The following ARSB variants were observed in gnomAD, a reference collection of about 807,000 sequenced individuals.
The protein encoded by ARSB is arylsulfatase B.
A neutral mutation model predicts 50.9 loss-of-function variants in ARSB; 41 were observed. The observed-to-expected ratio is 0.81, with a 90% CI of 0.63 to 1.04. The LOEUF (loss-of-function observed/expected upper bound fraction) is 1.04. ARSB is among the 50% of genes least tolerant of loss of function. The pLI is 0.00. For missense variants in ARSB, 672 were observed against 693.3 expected, an observed-to-expected ratio of 0.97 and a Z score of 0.35; for synonymous variants, 269 against 284.8, an observed-to-expected ratio of 0.94 and a Z score of 0.56.
chr5:78,849,022 T>A (rs1267686094), intron 5 of ARSB, among the ~76,000 whole-genome samples: 5 of 152,250 alleles, frequency 3.3e-5, no homozygotes, highest in Non-Finnish European at 7.3e-5. Flanking sequence ...GGTTGCCTGT[T>A]CACTTTGATG....
At chr5:78,830,669 T>G (rs1370662224) in intron 6 of ARSB, among the ~76,000 whole-genome samples, 2 of 152,164 alleles carry the variant, frequency 1.3e-5, no homozygotes, top group Non-Finnish European at 2.9e-5. Context: ...GGACTGCCTT[T>G]GGCATCAAAA....
chr5:78,834,743 A>G (rs1744870817), intron 6 of ARSB, among the ~76,000 whole-genome samples: 1 of 150,348 alleles, frequency 6.7e-6, no homozygotes, highest in Non-Finnish European at 1.5e-5. Flanking sequence ...TGCTACAAAC[A>G]TGAGTGTACA....
chr5:78,954,604 A>C (rs1751633939), intron 4 of ARSB, among the ~76,000 whole-genome samples: 1 of 152,126 alleles, frequency 6.6e-6, no homozygotes, highest in Non-Finnish European at 1.5e-5. Flanking sequence ...TCCTGGATTC[A>C]AGCAGTTCTC....
chr5:78,938,669 T>C (rs868252778), intron 4 of ARSB, among the ~76,000 whole-genome samples: 4 of 152,240 alleles, frequency 2.6e-5, no homozygotes, highest in Admixed American at 6.5e-5. Flanking sequence ...ATTTAAAACC[T>C]TGAATGAGCT....
intron 4 of ARSB, among the ~76,000 whole-genome samples, chr5:78,890,284 T>G (rs557574103): frequency 2.1e-5 from 3 of 140,444 alleles, no homozygotes; most frequent in African/African-American, 8.1e-5. Context: ...AAAGTCTCAC[T>G]CCTCCAACCA....
intron 6 of ARSB, among the ~76,000 whole-genome samples, chr5:78,806,376 G>A (rs1377455700): frequency 1.3e-5 from 2 of 152,220 alleles, no homozygotes; most frequent in Non-Finnish European, 2.9e-5. Context: ...TACCATCAGA[G>A]AAATAATAAT....
chr5:78,873,730 T>C (rs554695945), intron 5 of ARSB, among the ~76,000 whole-genome samples: 44 of 151,710 alleles, frequency 2.9e-4, no homozygotes, highest in Admixed American at 7.2e-4. Flanking sequence ...CTCCTGACCT[T>C]GTGATCCGCC....
intron 4 of ARSB, among the ~76,000 whole-genome samples, chr5:78,941,181 G>T (rs1430762392): frequency 1.8e-4 from 27 of 151,288 alleles, no homozygotes; most frequent in African/African-American, 5.6e-4. Context: ...AAGGAGATTT[G>T]GGGCTGAGAC....
At chr5:78,870,288 G>A (rs1410487744) in intron 5 of ARSB, among the ~76,000 whole-genome samples, 1 of 91,480 alleles carries the variant, frequency 1.1e-5, no homozygotes, top group Non-Finnish European at 2.3e-5. Context: ...AATAGAAAAA[G>A]AGAGAATCCT....
intron 5 of ARSB, among the ~76,000 whole-genome samples, chr5:78,873,652 C>A (rs1027978023): frequency 6.6e-6 from 1 of 150,426 alleles, no homozygotes; most frequent in Non-Finnish European, 1.5e-5. Flanking sequence ...CCCGCCACTA[C>A]GCCCGGCTAA....
intron 4 of ARSB, among the ~76,000 whole-genome samples, chr5:78,936,530 T>TC (rs1750610259): frequency 6.6e-6 from 1 of 151,424 alleles, no homozygotes. Flanking sequence ...ATACAAAATG[T>TC]CAAGTTGCCC....
chr5:78,932,097 C>T (rs1258863483), intron 4 of ARSB, among the ~76,000 whole-genome samples: 1 of 152,178 alleles, frequency 6.6e-6, no homozygotes, highest in Non-Finnish European at 1.5e-5. Context: ...CTGATTTTCA[C>T]CCAATTCCAA....
chr5:78,794,412 T>C (rs1743102984), intron 6 of ARSB, among the ~76,000 whole-genome samples: 1 of 152,118 alleles, frequency 6.6e-6, no homozygotes, highest in Admixed American at 6.5e-5. Flanking sequence ...TTGAGGCCAG[T>C]GAACTAACAC....
chr5:78,885,200 A>G, intron 5 of ARSB: 1 of 279,374 alleles, frequency 3.6e-6, no homozygotes, highest in East Asian at 6.3e-5. Context: ...ACATATCCCT[A>G]GTTCCTATTC....
intron 4 of ARSB, among the ~76,000 whole-genome samples, chr5:78,919,139 G>A (rs541374768): frequency 6.6e-6 from 1 of 152,284 alleles, no homozygotes; most frequent in South Asian, 2.1e-4. Flanking sequence ...ATATTCCCTC[G>A]TGGGCTCACC....
intron 5 of ARSB, among the ~76,000 whole-genome samples, chr5:78,863,817 G>T (rs1162474541): frequency 6.6e-6 from 1 of 151,758 alleles, no homozygotes; most frequent in Non-Finnish European, 1.5e-5. Context: ...ACTGATTGTT[G>T]TTCCTATCAT....
intron 4 of ARSB, among the ~76,000 whole-genome samples, chr5:78,917,635 C>T (rs1749619113): frequency 1.3e-5 from 2 of 152,192 alleles, no homozygotes; most frequent in African/African-American, 4.8e-5. Flanking sequence ...GCCTCAGCCT[C>T]CAGAGTAGCT....
intron 4 of ARSB, among the ~76,000 whole-genome samples, chr5:78,940,083 T>C (rs1223758380): frequency 2.0e-5 from 3 of 152,240 alleles, no homozygotes; most frequent in Non-Finnish European, 4.4e-5. Context: ...ATGTCTTCTT[T>C]TGAGAAGTGT....
At chr5:78,887,996 A>C (rs917071003) in intron 4 of ARSB, among the ~76,000 whole-genome samples, 7 of 152,212 alleles carry the variant, frequency 4.6e-5, no homozygotes, top group Non-Finnish European at 1.5e-5. Flanking sequence ...CTGCCAAGGA[A>C]ACTTTTGGTG....
Sources: allele counts gnomAD v4.1 joint callset (sites outside exome capture counted in the v4.1 genomes callset), GRCh38; gene constraint gnomAD v4.1.1; transcripts MANE v1.5; gene names NCBI Gene and HGNC (gene_info 2026-07-23, HGNC 2026-07-21).